The following EFNA5 variants were observed in gnomAD, a reference collection of about 807,000 sequenced individuals.
EFNA5 encodes ephrin-A5.
EFNA5 carries 5 observed loss-of-function variants against 22.9 expected under a neutral mutation model. That is an observed-to-expected ratio of 0.22 (90% CI 0.11 to 0.46). The LOEUF (loss-of-function observed/expected upper bound fraction) is 0.46. EFNA5 is among the 20% of genes least tolerant of loss of function. The pLI, the probability that EFNA5 is intolerant of heterozygous loss-of-function variation, is 0.99. For missense variants in EFNA5, 237 were observed against 293.3 expected (o/e 0.81, Z 1.40); for synonymous variants, 113 against 112.2 (o/e 1.01, Z -0.04).
At chr5:107,492,137 A>G (rs1746822537) in intron 1 of EFNA5, among the ~76,000 whole-genome samples, 2 of 152,184 alleles carry the variant, frequency 1.3e-5, no homozygotes, top group Admixed American at 1.3e-4. Context: ...CCCTGGCCTA[A>G]AAATGTAATT....
intron 1 of EFNA5, among the ~76,000 whole-genome samples, chr5:107,619,047 G>A (rs1050827482): frequency 5.3e-5 from 8 of 151,006 alleles, no homozygotes; most frequent in African/African-American, 7.3e-5. Context: ...TCAGCCTCCC[G>A]AGTAGCTGGG....
At chr5:107,409,690 T>C (rs564508453) in intron 2 of EFNA5, among the ~76,000 whole-genome samples, 1 of 152,332 alleles carries the variant, frequency 6.6e-6, no homozygotes, top group Admixed American at 6.5e-5. Context: ...AGTAACTAGT[T>C]ATTGAAGCCA....
chr5:107,670,409 C>G, intron 1 of EFNA5, 80 bp downstream of exon 1: 1 of 1,460,116 alleles, frequency 6.8e-7, no homozygotes, highest in Non-Finnish European at 9.0e-7. Flanking sequence ...GCGGTTGGTG[C>G]GCGCCGATCC....
intron 1 of EFNA5, among the ~76,000 whole-genome samples, chr5:107,546,671 C>A: frequency 8.1e-6 from 1 of 123,610 alleles, no homozygotes; most frequent in South Asian, 2.4e-4. Flanking sequence ...CACACACACA[C>A]ACACACACAC....
At chr5:107,383,850 G>T (rs1055453433) in intron 4 of EFNA5, among the ~76,000 whole-genome samples, 3 of 152,186 alleles carry the variant, frequency 2.0e-5, no homozygotes, top group African/African-American at 7.2e-5. Context: ...TTTCATCTAA[G>T]TGAAGTATGA....
chr5:107,509,317 C>CTT lies in EFNA5; in HGVS notation c.126-81810_126-81809dup, dbSNP rs113717483. Among the ~76,000 whole-genome samples the CTT allele has an allele frequency of 1.2e-3, 178 of 143,986 alleles. 1 individual carries two copies. Among genetic ancestry groups the CTT allele is most frequent in the African/African-American group, 4.5e-3 (178 of 39,476 alleles). 94.5% of individuals were successfully genotyped at this position (143,986 alleles called of 152,430 possible). On this transcript the variant is annotated intron_variant, in intron 1 of 4. Transcript: ENST00000333274. ...GTGAGTGTCAACTCTTTTTCTTTTC[C>CTT]TTTTTTTTTTTTGTTTTCTGAGGTG...
intron 1 of EFNA5, among the ~76,000 whole-genome samples, chr5:107,529,514 T>G (rs1365677681): frequency 3.9e-5 from 6 of 152,096 alleles, no homozygotes; most frequent in Admixed American, 3.9e-4. Flanking sequence ...AATCTGGAAA[T>G]GCATGGGATT....
intron 1 of EFNA5, among the ~76,000 whole-genome samples, chr5:107,466,131 G>C (rs935920482): frequency 4.6e-5 from 7 of 152,146 alleles, no homozygotes; most frequent in Non-Finnish European, 8.8e-5. Context: ...TGATTCCAAA[G>C]ACGGTGCTCG....
At chr5:107,434,654 T>C (rs1749059955) in intron 1 of EFNA5, among the ~76,000 whole-genome samples, 1 of 152,232 alleles carries the variant, frequency 6.6e-6, no homozygotes. Flanking sequence ...AAGAAGCTCC[T>C]GAGTGAAGTT....
At chr5:107,503,373 C>A (rs968760577) in intron 1 of EFNA5, among the ~76,000 whole-genome samples, 3 of 152,140 alleles carry the variant, frequency 2.0e-5, no homozygotes, top group African/African-American at 7.2e-5. Flanking sequence ...GTTTTTATGT[C>A]CACTAAAAAT....
intron 1 of EFNA5, among the ~76,000 whole-genome samples, chr5:107,501,220 T>C (rs906151085): frequency 8.5e-5 from 13 of 152,226 alleles, no homozygotes; most frequent in Non-Finnish European, 1.3e-4. Flanking sequence ...CTTATAGATA[T>C]TGACTCAACT....
chr5:107,662,165 CAGAGG>C (rs1265017593), intron 1 of EFNA5, among the ~76,000 whole-genome samples: 1 of 152,146 alleles, frequency 6.6e-6, no homozygotes, highest in Non-Finnish European at 1.5e-5. Flanking sequence ...TGCTAGATAT[CAGAGG>C]AAAGTTTTCT....
chr5:107,550,173 T>C (rs1748257918), intron 1 of EFNA5, among the ~76,000 whole-genome samples: 1 of 152,230 alleles, frequency 6.6e-6, no homozygotes, highest in Non-Finnish European at 1.5e-5. Flanking sequence ...CTCAGATTTC[T>C]GATGGGTACA....
At chr5:107,486,338 T>C (rs1332821721) in intron 1 of EFNA5, among the ~76,000 whole-genome samples, 1 of 152,106 alleles carries the variant, frequency 6.6e-6, no homozygotes, top group African/African-American at 2.4e-5. Flanking sequence ...GTAAGGAACT[T>C]TAAAAGCTAA....
At chr5:107,471,083 T>C (rs560943308) in intron 1 of EFNA5, among the ~76,000 whole-genome samples, 5 of 152,276 alleles carry the variant, frequency 3.3e-5, no homozygotes, top group Admixed American at 2.6e-4. Context: ...CTTGTCTCCT[T>C]ATCGCCTCCC....
intron 1 of EFNA5, among the ~76,000 whole-genome samples, chr5:107,592,456 C>T (rs1333818809): frequency 2.0e-5 from 3 of 151,978 alleles, no homozygotes; most frequent in African/African-American, 7.3e-5. Flanking sequence ...CATGGACATG[C>T]TTTAAATAGT....
chr5:107,611,893 A>G (rs1749824828), intron 1 of EFNA5, among the ~76,000 whole-genome samples: 1 of 152,250 alleles, frequency 6.6e-6, no homozygotes, highest in Non-Finnish European at 1.5e-5. Context: ...ACGAATATGT[A>G]AGGAGTAGTT....
At chr5:107,519,431 C>A (rs1747550378) in intron 1 of EFNA5, among the ~76,000 whole-genome samples, 1 of 152,172 alleles carries the variant, frequency 6.6e-6, no homozygotes, top group Non-Finnish European at 1.5e-5. Flanking sequence ...AAGGTCACAC[C>A]AGGTTTTCCT....
chr5:107,545,280 G>A (rs528051261), intron 1 of EFNA5, among the ~76,000 whole-genome samples: 2 of 152,336 alleles, frequency 1.3e-5, no homozygotes, highest in East Asian at 3.9e-4. Context: ...AGAGCTATGG[G>A]CCACATTTTC....
Sources: gnomAD v4.1 joint callset for allele counts (sites outside exome capture counted in the v4.1 genomes callset) on GRCh38, gnomAD v4.1.1 for gene constraint, MANE v1.5 for transcripts, NCBI Gene and HGNC (gene_info 2026-07-23, HGNC 2026-07-21) for gene names.